Variants in NCOA6 observed in about 807,000 individuals in gnomAD.
NCOA6 encodes the protein nuclear receptor coactivator 6.
In NCOA6, 49 loss-of-function variants were observed where a neutral mutation model predicts 171.4. The observed-to-expected ratio is 0.29, with a 90% confidence interval of 0.23 to 0.36. NCOA6 has a LOEUF of 0.36. Ranked by LOEUF, NCOA6 falls within the 10% of genes least tolerant of loss-of-function variation. The probability of loss-of-function intolerance (pLI) is 1.00; values close to 1 mark genes in which losing one functional copy is unlikely to be tolerated. For missense variants in NCOA6, 2,248 were observed against 2,554.5 expected, an observed-to-expected ratio of 0.88 and a Z score of 2.59; for synonymous variants, 910 against 927.5, an observed-to-expected ratio of 0.98 and a Z score of 0.34.
In NCOA6 at chr20:34,750,177, G is replaced by A. The variant is rs756799765; in HGVS notation, c.2018C>T (p.Ser673Leu). The A allele has an allele frequency of 1.9e-5, 30 of 1,611,838 alleles. No individual in the cohort carries two copies. The highest frequency in any genetic ancestry group is 3.3e-4 in the Middle Eastern group (2 of 6,070). ...VNPPSQNLGP[S>L]PQRMTPPKQM... is the part of the protein sequence containing the mutation. ...CTTGGGTGGGGTCATCCTTTGGGGC[G>A]AGGGCCCAAGATTTTGGCTCGGGGG... The change falls in exon 9 of 15, where the codon TCG becomes TTG. Residue 673 changes from serine to leucine, a missense_variant. Ser to Leu is a moderately radical substitution (Grantham distance 145, BLOSUM62 -2). Coordinates refer to ENST00000359003, the MANE Select transcript of NCOA6 (RefSeq NM_014071.5).
intron 13 of NCOA6, among the ~76,000 whole-genome samples, chr20:34,731,088 C>T (rs906229160): frequency 7.9e-5 from 12 of 151,682 alleles, no homozygotes; most frequent in African/African-American, 2.2e-4. Flanking sequence ...GGCATGATCT[C>T]GGCTCACTGC....
At chr20:34,757,142 T>A (rs2076665286) in intron 7 of NCOA6, 78 bp downstream of exon 7, 3 of 1,408,286 alleles carry the variant, frequency 2.1e-6, no homozygotes, top group Non-Finnish European at 2.9e-6. Flanking sequence ...ACTCCCTCCA[T>A]TAACTCTAAA....
At chr20:34,806,687 C>T (rs546741781) in intron 1 of NCOA6, among the ~76,000 whole-genome samples, 2 of 152,118 alleles carry the variant, frequency 1.3e-5, no homozygotes, top group South Asian at 2.1e-4. Flanking sequence ...ATGTTTTGGG[C>T]GTCTCTGTTG....
rs773122118 is a variant in NCOA6 at position 34,749,413 on chromosome 20, GCTGA to G, written c.2778_2781del (p.Gln927LysfsTer3). 7.5e-6 allele frequency: 12 copies of G among 1,602,828 alleles called. No individual in the cohort carries two copies. The highest frequency in any genetic ancestry group is 4.5e-5 in the East Asian group (2 of 44,604). On this transcript the variant is annotated frameshift_variant, in exon 9 of 15. Coordinates refer to ENST00000359003, the MANE Select transcript of NCOA6 (RefSeq NM_014071.5). LOFTEE classifies it high-confidence loss of function. ...ACCATCACAACCTACTTTAGATCTT[GCTGA>G]CTATTTTTCTTCTTCCGAGGGGGTT...
chr20:34,751,097 G>A (rs1038457105), intron 8 of NCOA6, among the ~76,000 whole-genome samples: 6 of 151,750 alleles, frequency 4.0e-5, no homozygotes, highest in Non-Finnish European at 7.4e-5. Flanking sequence ...TCGGCCGGGC[G>A]CGGTGGCTCA....
intron 5 of NCOA6, 89 bp downstream of exon 5, chr20:34,768,375 A>AC: frequency 6.6e-7 from 1 of 1,507,996 alleles, no homozygotes; most frequent in Non-Finnish European, 9.1e-7. Flanking sequence ...TATGCCATGA[A>AC]CCCCCACCTA....
At chr20:34,795,202 T>C (rs1458669157) in intron 1 of NCOA6, among the ~76,000 whole-genome samples, 1 of 152,154 alleles carries the variant, frequency 6.6e-6, no homozygotes, top group Non-Finnish European at 1.5e-5. Context: ...TTTTGCATGA[T>C]CGAAAATTGT....
In NCOA6 at chr20:34,740,493, C is replaced by T. The variant is rs755686015; in HGVS notation, c.5763G>A (p.Leu1921=). The T allele has an allele frequency of 1.1e-5, 17 of 1,614,140 alleles. No homozygotes were observed. In the South Asian group the frequency reaches 1.8e-4, roughly 17 times the overall value. ...PTSVRSIVTT[L]VPSELISAVP... ...CGGCGGAGATGAGCTCGGAGGGTAC[C>T]AGAGTGGTTACTATCGAGCGTACAC... The change falls in exon 11 of 15, where the codon CTG becomes CTA. Residue 1921 remains leucine (L), a synonymous_variant. Transcript: ENST00000359003.
intron 14 of NCOA6, among the ~76,000 whole-genome samples, chr20:34,725,421 A>G (rs1225146191): frequency 6.6e-6 from 1 of 152,252 alleles, no homozygotes; most frequent in Non-Finnish European, 1.5e-5. Flanking sequence ...AGAGGTGGGC[A>G]GAGAGAAGAG....
intron 3 of NCOA6, 45 bp downstream of exon 3, chr20:34,782,076 T>C: frequency 7.3e-7 from 1 of 1,365,944 alleles, no homozygotes; most frequent in Non-Finnish European, 1.0e-6. Context: ...AGGGCAAACA[T>C]TTCAAAAACA....
Position 34,758,100 on chromosome 20 carries a change from T to C in NCOA6, c.648A>G (p.Ala216=), listed in dbSNP as rs1245788875. The change falls in exon 7 of 15, where the codon GCA becomes GCG. Residue 216 remains alanine (A), a synonymous_variant. Transcript: ENST00000359003. ...RTPRPASQSD[A]MDPLLSGLHI... is the part of the protein sequence containing the mutation. ...GGAGCCCAGAGAGGAGTGGATCCAT[T>C]GCATCTGTTTAAAGATAGTCAACAA... 6.2e-7 allele frequency: 1 copy of C among 1,606,526 alleles called. No individual in the cohort carries two copies. Among genetic ancestry groups the C allele is most frequent in the East Asian group, 2.2e-5 (1 of 44,778 alleles).
chr20:34,814,194 C>T (rs376162085), intron 1 of NCOA6, among the ~76,000 whole-genome samples: 1 of 151,958 alleles, frequency 6.6e-6, no homozygotes, highest in Non-Finnish European at 1.5e-5. Flanking sequence ...CAAAAATTAG[C>T]CAGGCATGGT....
chr20:34,790,897 C>A (rs1022885475), intron 2 of NCOA6, among the ~76,000 whole-genome samples: 13 of 152,064 alleles, frequency 8.5e-5, no homozygotes, highest in Non-Finnish European at 1.6e-4. Context: ...GTGATACACC[C>A]GCCTCAGCCT....
At chr20:34,811,201 G>A (rs1296637945) in intron 1 of NCOA6, among the ~76,000 whole-genome samples, 27 of 53,720 alleles carry the variant, frequency 5.0e-4, no homozygotes, top group East Asian at 1.1e-3. Flanking sequence ...ACAACAACGT[G>A]TATATATATA....
At chr20:34,755,014 T>C (rs769306494) in intron 7 of NCOA6, 146 bp from the exon 8 acceptor site, 14 of 751,148 alleles carry the variant, frequency 1.9e-5, no homozygotes, top group Non-Finnish European at 1.4e-5. Flanking sequence ...AATAATAAGG[T>C]TGGGAAAGAT....
chr20:34,775,884 G>A (rs2077305573), intron 4 of NCOA6, among the ~76,000 whole-genome samples: 1 of 152,132 alleles, frequency 6.6e-6, no homozygotes, highest in Non-Finnish European at 1.5e-5. Context: ...TGAGATGGGA[G>A]GATCATCTGA....
intron 10 of NCOA6, 75 bp from the exon 11 acceptor site, chr20:34,743,416 A>G: frequency 6.9e-7 from 1 of 1,440,834 alleles, no homozygotes; most frequent in Non-Finnish European, 9.4e-7. Flanking sequence ...AGTATAGCCA[A>G]GCAATACTCA....
At chr20:34,720,869 A>G (rs1239020561) in intron 14 of NCOA6, among the ~76,000 whole-genome samples, 1 of 152,202 alleles carries the variant, frequency 6.6e-6, no homozygotes, top group Non-Finnish European at 1.5e-5. Context: ...CTTGGTTCAC[A>G]TTTTTGGATA....
chr20:34,788,527 T>C (rs1185548860), intron 2 of NCOA6, among the ~76,000 whole-genome samples: 2 of 152,160 alleles, frequency 1.3e-5, no homozygotes, highest in Non-Finnish European at 2.9e-5. Flanking sequence ...GGTGGATGTG[T>C]CTTATGGAAA....
Sources: allele counts gnomAD v4.1 joint callset (sites outside exome capture counted in the v4.1 genomes callset), GRCh38; gene constraint gnomAD v4.1.1; transcripts MANE v1.5; gene names NCBI Gene and HGNC (gene_info 2026-07-23, HGNC 2026-07-21).